STK32B: variants seen among roughly 807,000 people sequenced by gnomAD.
The protein encoded by STK32B is serine/threonine-protein kinase 32B.
STK32B carries 43 observed loss-of-function variants against 52.6 expected under a neutral mutation model. The ratio of observed to expected loss-of-function variants is 0.82; its 90% CI spans 0.64 to 1.05. The LOEUF (loss-of-function observed/expected upper bound fraction) is 1.05, where lower values mean the gene tolerates loss of function less well. STK32B is among the 50% of genes least tolerant of loss of function. The pLI, the probability that STK32B is intolerant of heterozygous loss-of-function variation, is 0.00. For missense variants in STK32B, 621 were observed against 534.6 expected (o/e 1.16, Z -1.59); for synonymous variants, 238 against 204.3 (o/e 1.17, Z -1.41).
Position 5,433,610 on chromosome 4 carries a change from C to A in STK32B, c.563-13063C>A, listed in dbSNP as rs531070723. On this transcript the variant is annotated intron_variant, in intron 6 of 11. Transcript: ENST00000282908. ...GGGAGGAAGGAAATTACCTTGAAGG[C>A]CCCCTCTAGGCCAAAATTTAGTAAT... Among the ~76,000 whole-genome samples the A allele has an allele frequency of 9.2e-5, 14 of 152,254 alleles. No homozygotes were observed. In the South Asian group the frequency reaches 2.7e-3, roughly 29 times the overall value.
At chr4:5,156,358 G>A (rs1046792024) in intron 2 of STK32B, among the ~76,000 whole-genome samples, 7 of 152,040 alleles carry the variant, frequency 4.6e-5, no homozygotes, top group Non-Finnish European at 2.9e-5. Flanking sequence ...TTGACACATG[G>A]TTTATATTGA....
chr4:5,162,861 G>A (rs888627718), intron 2 of STK32B, among the ~76,000 whole-genome samples: 3 of 152,214 alleles, frequency 2.0e-5, no homozygotes, highest in African/African-American at 7.2e-5. Flanking sequence ...GGTGACAAGT[G>A]TTCAGCTTCC....
chr4:5,373,080 G>T (rs1735359791), intron 4 of STK32B, among the ~76,000 whole-genome samples: 1 of 152,178 alleles, frequency 6.6e-6, no homozygotes, highest in Non-Finnish European at 1.5e-5. Context: ...AGGGTGGGGA[G>T]GGGAGAAAGC....
intron 11 of STK32B, among the ~76,000 whole-genome samples, chr4:5,496,658 G>A (rs1720286480): frequency 6.6e-6 from 1 of 152,150 alleles, no homozygotes; most frequent in South Asian, 2.1e-4. Context: ...CACACTGGGA[G>A]CTGTAGACCG....
At chr4:5,131,236 G>T (rs1218401125) in intron 1 of STK32B, among the ~76,000 whole-genome samples, 1 of 152,114 alleles carries the variant, frequency 6.6e-6, no homozygotes, top group Non-Finnish European at 1.5e-5. Flanking sequence ...GGCTTGCTCT[G>T]CCTCCCCCTT....
intron 3 of STK32B, among the ~76,000 whole-genome samples, chr4:5,277,702 T>G (rs1486682022): frequency 6.6e-6 from 1 of 152,224 alleles, no homozygotes; most frequent in East Asian, 1.9e-4. Context: ...TTTGTATGGT[T>G]TTCATAGTGT....
chr4:5,194,680 G>GT (rs1443887148), intron 3 of STK32B, among the ~76,000 whole-genome samples: 1 of 152,162 alleles, frequency 6.6e-6, no homozygotes, highest in African/African-American at 2.4e-5. Context: ...CTGAGACTGG[G>GT]TAATTTATAA....
At chr4:5,471,989 C>T (rs866422937) in intron 11 of STK32B, among the ~76,000 whole-genome samples, 4 of 152,198 alleles carry the variant, frequency 2.6e-5, no homozygotes, top group Admixed American at 6.5e-5. Context: ...GCATAGGCCA[C>T]GTATGCTTCC....
intron 1 of STK32B, among the ~76,000 whole-genome samples, chr4:5,097,574 C>T (rs1348555916): frequency 8.5e-5 from 13 of 152,164 alleles, no homozygotes; most frequent in African/African-American, 3.1e-4. Flanking sequence ...CACCAGATAG[C>T]CAAGAAGGGG....
chr4:5,269,264 C>T (rs1447114537), intron 3 of STK32B, among the ~76,000 whole-genome samples: 3 of 152,084 alleles, frequency 2.0e-5, no homozygotes, highest in African/African-American at 7.2e-5. Context: ...CCCATGCCCA[C>T]CAGCCAGACC....
rs7684598 is a variant in STK32B at position 5,235,221 on chromosome 4, T to C, written c.260+66771T>C. On this transcript the variant is annotated intron_variant, in intron 3 of 11. Coordinates refer to ENST00000282908, the MANE Select transcript of STK32B (RefSeq NM_018401.3). ...TGGTGATTGCACTGCCTGTTGCACA[T>C]GGTGGTTGTACAAAATGCTGTGTAC... Among the ~76,000 whole-genome samples, 1,080 of 152,324 alleles carry C rather than the reference T, an allele frequency of 7.1e-3. 12 individuals carry two copies. The highest frequency in any genetic ancestry group is 0.024 in the African/African-American group (1,006 of 41,586).
rs184569203 is a variant in STK32B, at chr4:5,254,898, T to C, written c.261-76322T>C. Among the ~76,000 whole-genome samples the C allele has an allele frequency of 9.9e-5, 15 of 151,834 alleles. No homozygotes were observed. The East Asian group carries it at 2.7e-3, about 27-fold the overall frequency. The stretch of plus-strand genomic sequence containing the variant: ...TGTTCTTTGTTTTTCTTTTGAGTTA[T>C]TCTCAAGCCTCAATAAACTTTCCAT... On this transcript the variant is annotated intron_variant, in intron 3 of 11. Coordinates refer to ENST00000282908, the MANE Select transcript of STK32B (RefSeq NM_018401.3).
intron 9 of STK32B, among the ~76,000 whole-genome samples, chr4:5,464,737 A>C (rs1242138758): frequency 6.6e-6 from 1 of 152,174 alleles, no homozygotes; most frequent in Non-Finnish European, 1.5e-5. Flanking sequence ...AGGTTAGGCA[A>C]CTTGCCCAAG....
chr4:5,075,854 A>C (rs986351573), intron 1 of STK32B, among the ~76,000 whole-genome samples: 3 of 152,096 alleles, frequency 2.0e-5, no homozygotes, highest in African/African-American at 7.2e-5. Flanking sequence ...CTTTGTCTCT[A>C]CCTTGCACAG....
chr4:5,438,569 A>G (rs953493874), intron 6 of STK32B, among the ~76,000 whole-genome samples: 6 of 152,198 alleles, frequency 3.9e-5, no homozygotes, highest in African/African-American at 1.2e-4. Flanking sequence ...ATGGCAGAGG[A>G]AGCGGAGGTT....
At chr4:5,258,742 C>G (rs1434537008) in intron 3 of STK32B, among the ~76,000 whole-genome samples, 1 of 152,204 alleles carries the variant, frequency 6.6e-6, no homozygotes, top group Non-Finnish European at 1.5e-5. Context: ...AGCTTCATGC[C>G]TGGTTACCCC....
At chr4:5,471,717 T>C (rs1164447360) in intron 11 of STK32B, among the ~76,000 whole-genome samples, 1 of 152,108 alleles carries the variant, frequency 6.6e-6, no homozygotes, top group African/African-American at 2.4e-5. Context: ...ATTCTGATGC[T>C]AAACAGTTTG....
chr4:5,316,713 T>TATA (rs376636636), intron 3 of STK32B, among the ~76,000 whole-genome samples: 8,515 of 9,018 alleles, frequency 0.94, 4,020 homozygotes, highest in Middle Eastern at 1. Context: ...TAATATATAA[T>TATA]ATAATAATAT....
intron 3 of STK32B, among the ~76,000 whole-genome samples, chr4:5,313,227 G>A (rs1025869990): frequency 2.0e-5 from 3 of 151,730 alleles, no homozygotes; most frequent in African/African-American, 7.3e-5. Context: ...ACACTAGTTC[G>A]ATATTTTTAA....
Sources: gnomAD v4.1 joint callset for allele counts (sites outside exome capture counted in the v4.1 genomes callset) on GRCh38, gnomAD v4.1.1 for gene constraint, MANE v1.5 for transcripts, NCBI Gene and HGNC (gene_info 2026-07-23, HGNC 2026-07-21) for gene names.